The following ADAMTS17 variants were observed in gnomAD, a reference collection of about 807,000 sequenced individuals.
ADAMTS17 encodes ADAM metallopeptidase with thrombospondin type 1 motif 17.
A neutral mutation model predicts 141.5 loss-of-function variants in ADAMTS17; 113 were observed. The observed-to-expected ratio is 0.80, with a 90% confidence interval of 0.69 to 0.93. ADAMTS17 has a LOEUF of 0.93. Among genes scored for constraint, ADAMTS17 ranks in the 40% least tolerant of loss-of-function variants. ADAMTS17 has a pLI of 0.00. For missense variants in ADAMTS17, 1,659 were observed against 1,517.9 expected (o/e 1.09, Z -1.54); for synonymous variants, 768 against 630.6 (o/e 1.22, Z -3.27).
chr15:100,158,131 C>G (rs940060749), intron 8 of ADAMTS17, among the ~76,000 whole-genome samples: 11 of 152,160 alleles, frequency 7.2e-5, no homozygotes, highest in Non-Finnish European at 1.5e-4. Flanking sequence ...TTGTGATCCG[C>G]CCGCCTCGGC....
chr15:100,307,451 A>G (rs1014756742), intron 3 of ADAMTS17, among the ~76,000 whole-genome samples: 9 of 152,212 alleles, frequency 5.9e-5, no homozygotes, highest in Non-Finnish European at 2.9e-5. Context: ...AGAGCAAGCA[A>G]GGAAGCCCCA....
chr15:100,009,519 C>T (rs2141394554), intron 18 of ADAMTS17, among the ~76,000 whole-genome samples: 1 of 152,252 alleles, frequency 6.6e-6, no homozygotes, highest in Non-Finnish European at 1.5e-5. Flanking sequence ...TGTGCTCAAG[C>T]CTCAGTTTCC....
At chr15:99,990,231 G>T (rs918861265) in intron 20 of ADAMTS17, among the ~76,000 whole-genome samples, 1 of 151,844 alleles carries the variant, frequency 6.6e-6, no homozygotes, top group Non-Finnish European at 1.5e-5. Context: ...TAGAGACAGG[G>T]TATCCCTATG....
At chr15:100,041,799 G>A (rs2031280819) in intron 18 of ADAMTS17, among the ~76,000 whole-genome samples, 1 of 152,202 alleles carries the variant, frequency 6.6e-6, no homozygotes, top group Admixed American at 6.5e-5. Flanking sequence ...CTAATGGTGT[G>A]CAGTTGGGAA....
At chr15:100,129,119 C>CTGAT (rs1387967738) in intron 12 of ADAMTS17, 1 of 152,220 alleles carries the variant, frequency 6.6e-6, no homozygotes, top group Non-Finnish European at 1.5e-5. Flanking sequence ...TTCAGAGGTT[C>CTGAT]TGATATCCTC....
At chr15:100,108,319 A>G (rs1967004) in intron 14 of ADAMTS17, among the ~76,000 whole-genome samples, 93,582 of 151,844 alleles carry the variant, frequency 0.62, 29,158 homozygotes, top group African/African-American at 0.71. Context: ...TTACAAGCGC[A>G]TGCCACCATG....
chr15:100,210,958 G>A (rs899034310), intron 7 of ADAMTS17, among the ~76,000 whole-genome samples: 6 of 152,064 alleles, frequency 3.9e-5, no homozygotes, highest in Non-Finnish European at 5.9e-5. Flanking sequence ...AAAATTAGCT[G>A]GGCGTGGTGG....
intron 14 of ADAMTS17, among the ~76,000 whole-genome samples, chr15:100,106,689 C>T (rs2036432467): frequency 6.6e-6 from 1 of 152,190 alleles, no homozygotes; most frequent in Non-Finnish European, 1.5e-5. Context: ...TCGGCTGGTG[C>T]TGCTCTAAAG....
At chr15:100,306,389 C>T (rs2045226422) in intron 3 of ADAMTS17, 1 of 433,520 alleles carries the variant, frequency 2.3e-6, no homozygotes, top group Non-Finnish European at 4.6e-6. Context: ...GCCCTGGTGG[C>T]CATAGAAGAA....
chr15:100,291,080 G>A (rs1464226050), intron 3 of ADAMTS17, among the ~76,000 whole-genome samples: 2 of 152,172 alleles, frequency 1.3e-5, no homozygotes, highest in East Asian at 1.9e-4. Context: ...CACAGACTGA[G>A]AGGAAATATT....
At chr15:100,269,995 CCTTT>C (rs1232398255) in intron 4 of ADAMTS17, among the ~76,000 whole-genome samples, 2 of 152,246 alleles carry the variant, frequency 1.3e-5, no homozygotes, top group East Asian at 3.8e-4. Flanking sequence ...TTACAAGACT[CCTTT>C]CTTCCTTGTT....
At chr15:100,299,291 GGT>G (rs143984112) in intron 3 of ADAMTS17, among the ~76,000 whole-genome samples, 4 of 150,548 alleles carry the variant, frequency 2.7e-5, no homozygotes, top group Admixed American at 6.6e-5. Context: ...CGGACGTCAG[GGT>G]GTGTGTGTGT....
intron 15 of ADAMTS17, among the ~76,000 whole-genome samples, chr15:100,066,492 C>A (rs2033539663): frequency 6.6e-6 from 1 of 151,892 alleles, no homozygotes; most frequent in Non-Finnish European, 1.5e-5. Flanking sequence ...CTTCTGATAT[C>A]TTTTTTTCTT....
intron 3 of ADAMTS17, among the ~76,000 whole-genome samples, chr15:100,302,828 C>T (rs1399420739): frequency 6.6e-6 from 1 of 152,176 alleles, no homozygotes; most frequent in African/African-American, 2.4e-5. Context: ...CTGCGAAAGG[C>T]AGGCCCACCC....
At chr15:100,238,589 A>G (rs1049057185) in intron 7 of ADAMTS17, among the ~76,000 whole-genome samples, 1 of 152,214 alleles carries the variant, frequency 6.6e-6, no homozygotes, top group Non-Finnish European at 1.5e-5. Context: ...TGGGAATTTA[A>G]TACCTGCCAA....
intron 2 of ADAMTS17, chr15:100,339,274 A>C: frequency 3.1e-6 from 2 of 643,122 alleles, no homozygotes; most frequent in Non-Finnish European, 3.9e-6. Flanking sequence ...TTTTAAATCA[A>C]TGTTATCCAG....
At chr15:100,133,347 G>C (rs1298912273) in intron 10 of ADAMTS17, 32 bp from the exon 11 acceptor site, 1 of 1,553,320 alleles carries the variant, frequency 6.4e-7, no homozygotes, top group African/African-American at 1.4e-5. Context: ...CATAATTGTG[G>C]AGAACACCCA....
At chr15:100,330,054 T>C (rs1383139806) in intron 3 of ADAMTS17, among the ~76,000 whole-genome samples, 1 of 152,144 alleles carries the variant, frequency 6.6e-6, no homozygotes, top group African/African-American at 2.4e-5. Flanking sequence ...TGGGAGGAAA[T>C]GCCACCTGTG....
intron 3 of ADAMTS17, among the ~76,000 whole-genome samples, chr15:100,314,073 C>G (rs904236876): frequency 6.6e-6 from 1 of 152,012 alleles, no homozygotes; most frequent in African/African-American, 2.4e-5. Flanking sequence ...CCAAATGTCA[C>G]CATGAAGAAA....
Sources: gnomAD v4.1 joint callset for allele counts (sites outside exome capture counted in the v4.1 genomes callset) on GRCh38, gnomAD v4.1.1 for gene constraint, MANE v1.5 for transcripts, NCBI Gene and HGNC (gene_info 2026-07-23, HGNC 2026-07-21) for gene names.